Variants in ZFHX3 observed in about 807,000 individuals in gnomAD.
The protein encoded by ZFHX3 is zinc finger homeobox protein 3.
A neutral mutation model predicts 279.1 loss-of-function variants in ZFHX3; 42 were observed. The observed-to-expected ratio is 0.15, with a 90% CI of 0.12 to 0.19. The LOEUF (loss-of-function observed/expected upper bound fraction) is 0.19. Among genes scored for constraint, ZFHX3 ranks in the 10% least tolerant of loss-of-function variants. The pLI is 1.00. For synonymous variants in ZFHX3, 2,293 were observed against 1,957.8 expected (o/e 1.17, Z -4.52); for missense variants, 4,981 against 4,754.0 (o/e 1.05, Z -1.40).
intron 2 of ZFHX3, among the ~76,000 whole-genome samples, chr16:73,532,031 T>A (rs1391531051): frequency 6.6e-6 from 1 of 151,604 alleles, no homozygotes; most frequent in African/African-American, 2.4e-5. Context: ...GAGGTTACAG[T>A]GAGCTATGAT....
In ZFHX3 at chr16:73,390,496, G is replaced by T. The variant is rs901157796; in HGVS notation, c.-1291+65507C>A. 5.9e-5 allele frequency among the ~76,000 whole-genome samples: 9 copies of T among 152,246 alleles called. No homozygotes were observed. The East Asian group carries it at 1.7e-3, about 29-fold the overall frequency. On this transcript the variant is annotated intron_variant, in intron 3 of 17. Coordinates refer to the ZFHX3 transcript ENST00000641206. Reference sequence around the variant, plus strand: ...TTGCACCGGTGGCTGGAGGCCTAGCGGGGATTCCACCGGAAATCTGGTTCT... The same window carrying T: ...TTGCACCGGTGGCTGGAGGCCTAGCTGGGATTCCACCGGAAATCTGGTTCT...
chr16:73,028,312 G>A (rs1308458396), intron 1 of ZFHX3, among the ~76,000 whole-genome samples: 7 of 152,196 alleles, frequency 4.6e-5, no homozygotes, highest in Admixed American at 3.9e-4. Flanking sequence ...TCCACCGGGA[G>A]GTGGAAAACA....
intron 8 of ZFHX3, among the ~76,000 whole-genome samples, chr16:73,072,887 TCTTTC>T (rs1265202645): frequency 2.6e-5 from 4 of 151,460 alleles, no homozygotes; most frequent in Non-Finnish European, 5.9e-5. Context: ...TTTCTTTCTT[TCTTTC>T]TTTTTCTATT....
intron 3 of ZFHX3, among the ~76,000 whole-genome samples, chr16:73,338,106 T>A (rs1222623262): frequency 6.6e-6 from 1 of 152,178 alleles, no homozygotes; most frequent in East Asian, 1.9e-4. Context: ...ATTTGTTTCC[T>A]AATCTGCAGA....
At chr16:73,124,790 A>T (rs1966542480) in intron 7 of ZFHX3, among the ~76,000 whole-genome samples, 1 of 152,292 alleles carries the variant, frequency 6.6e-6, no homozygotes, top group African/African-American at 2.4e-5. Context: ...CATGGTGACG[A>T]GAAGCTGGGG....
Position 72,794,960 on chromosome 16 carries a change from G to A in ZFHX3, c.7722C>T (p.Phe2574=). Residue 2574 remains phenylalanine, a synonymous_variant, in exon 9 of 10, where the codon TTC becomes TTT. Transcript: ENST00000268489. The surrounding 1 kb of genome is among the most constrained non-coding windows in gnomAD (Gnocchi z 4.2). ...GTGGGTTACTGGGATCAAAGAGCATGAAAGGCATATCCAGGGACCTGTCCA... is the reference window on the plus strand; with the variant it reads ...GTGGGTTACTGGGATCAAAGAGCATAAAAGGCATATCCAGGGACCTGTCCA... ...QFLDRSLDMP[F]MLFDPSNPLL... The A allele has an allele frequency of 6.2e-7, 1 of 1,614,198 alleles. No individual in the cohort carries two copies. The highest frequency in any genetic ancestry group is 8.5e-7 in the Non-Finnish European group (1 of 1,180,038).
In ZFHX3 at chr16:73,481,015, T is replaced by C. The variant is rs559534574; in HGVS notation, c.-1546-24757A>G. The stretch of plus-strand genomic sequence containing the variant: ...GGCAACTCTTCTCTGTGCTAGGTCT[T>C]CCCAAATCTTTAAGAACAAAGTCCT... On this transcript the variant is annotated intron_variant, in intron 2 of 17. Coordinates refer to the ZFHX3 transcript ENST00000641206. 2.6e-5 allele frequency among the ~76,000 whole-genome samples: 4 copies of C among 152,246 alleles called. No individual in the cohort carries two copies. The East Asian group carries it at 7.7e-4, about 29-fold the overall frequency.
chr16:73,801,346 C>T (rs1027378929), intron 1 of ZFHX3, among the ~76,000 whole-genome samples: 7 of 152,022 alleles, frequency 4.6e-5, no homozygotes, highest in Non-Finnish European at 7.4e-5. Flanking sequence ...ATTTTCTGAA[C>T]GAATAAATGA....
chr16:73,572,091 G>A (rs79415565), intron 2 of ZFHX3, among the ~76,000 whole-genome samples: 2 of 149,864 alleles, frequency 1.3e-5, no homozygotes, highest in African/African-American at 4.9e-5. Context: ...AGGATTTGAG[G>A]AGAATAATTC....
chr16:73,548,153 T>C (rs1252415747), intron 2 of ZFHX3, among the ~76,000 whole-genome samples: 3 of 152,226 alleles, frequency 2.0e-5, no homozygotes, highest in Admixed American at 2.0e-4. Flanking sequence ...GTTATCTAAA[T>C]GGACAAATAT....
chr16:73,209,133 T>C (rs980199263), intron 5 of ZFHX3, among the ~76,000 whole-genome samples: 1 of 152,212 alleles, frequency 6.6e-6, no homozygotes, highest in Non-Finnish European at 1.5e-5. Flanking sequence ...TTTGTTTGCG[T>C]GAGTTATATC....
chr16:73,100,294 A>C (rs1276796580), intron 7 of ZFHX3, among the ~76,000 whole-genome samples: 1 of 152,232 alleles, frequency 6.6e-6, no homozygotes, highest in Non-Finnish European at 1.5e-5. Context: ...GAACAGCCCA[A>C]AGCCCATGGT....
At chr16:73,757,895 T>A (rs558764198) in intron 1 of ZFHX3, among the ~76,000 whole-genome samples, 7 of 152,294 alleles carry the variant, frequency 4.6e-5, no homozygotes, top group Non-Finnish European at 1.0e-4. Flanking sequence ...AAGTCAGCCT[T>A]CAGTTTATCT....
intron 3 of ZFHX3, chr16:73,400,237 C>T (rs911298144): frequency 2.6e-5 from 4 of 152,344 alleles, no homozygotes; most frequent in South Asian, 2.1e-4. Flanking sequence ...TTCCCATTCT[C>T]ATAAGCAAGT....
In ZFHX3 at chr16:72,797,644, G is replaced by A. The variant is rs1250483960; in HGVS notation, c.5038C>T (p.Leu1680=). The A allele has an allele frequency of 6.2e-7, 1 of 1,614,076 alleles. No homozygotes were observed. Among genetic ancestry groups the A allele is most frequent in the Non-Finnish European group, 8.5e-7 (1 of 1,180,056 alleles). The part of the protein sequence containing the change: ...SAGIAPSSNL[L]SQVPTESVGM... The stretch of plus-strand genomic sequence containing the variant: ...ACACTCTCAGTGGGCACTTGGCTTA[G>A]TAAGTTAGAGCTTGGAGCAATGCCA... The change falls in exon 9 of 10, where the codon CTA becomes TTA. Residue 1680 remains leucine (L), a synonymous_variant. Coordinates refer to ENST00000268489, the MANE Select transcript of ZFHX3 (RefSeq NM_006885.4).
chr16:73,819,532 T>C (rs1052364757), intron 1 of ZFHX3, among the ~76,000 whole-genome samples: 2 of 152,146 alleles, frequency 1.3e-5, no homozygotes, highest in African/African-American at 4.8e-5. Flanking sequence ...ATTCTAAATG[T>C]ACAACTTTGG....
chr16:73,085,387 T>C (rs896283165), intron 8 of ZFHX3, among the ~76,000 whole-genome samples: 1 of 152,114 alleles, frequency 6.6e-6, no homozygotes, highest in Non-Finnish European at 1.5e-5. Flanking sequence ...GCCTCCAGAG[T>C]AGCTGGGACT....
rs112186663 is a variant in ZFHX3 at position 73,733,317 on chromosome 16, T to A, written c.-1607-53077A>T. Among the ~76,000 whole-genome samples, 1,222 of 152,296 alleles carry A rather than the reference T, an allele frequency of 8.0e-3. 19 individuals are homozygous for A. The highest frequency in any genetic ancestry group is 0.028 in the African/African-American group (1,161 of 41,560). On this transcript the variant is annotated intron_variant, in intron 1 of 17. Transcript: ENST00000641206. Reference sequence around the variant, plus strand: ...CTTAGAAGACATACCAAAAACATGATGATTTAACTCATAAAGCTGCAGAGG... The same window carrying A: ...CTTAGAAGACATACCAAAAACATGAAGATTTAACTCATAAAGCTGCAGAGG...
chr16:73,380,977 C>T (rs1353351181), intron 3 of ZFHX3, among the ~76,000 whole-genome samples: 7 of 152,152 alleles, frequency 4.6e-5, no homozygotes, highest in Non-Finnish European at 7.3e-5. Context: ...AGCTGCTTCT[C>T]GCATTTACTA....
Sources: gnomAD v4.1 joint callset for allele counts (sites outside exome capture counted in the v4.1 genomes callset) on GRCh38, gnomAD v4.1.1 for gene constraint, Gnocchi (gnomAD v3.1) non-coding constraint, MANE v1.5 for transcripts, NCBI Gene and HGNC (gene_info 2026-07-23, HGNC 2026-07-21) for gene names.